Variants in SHANK2 observed in about 807,000 individuals in gnomAD.
SHANK2 encodes the protein SH3 and multiple ankyrin repeat domains protein 2.
Under a neutral mutation model 133.7 loss-of-function variants are expected in SHANK2, and 43 were observed. The observed-to-expected ratio is 0.32, with a 90% CI of 0.25 to 0.41. The LOEUF (loss-of-function observed/expected upper bound fraction) is 0.41, where lower values mean the gene tolerates loss of function less well. SHANK2 is among the 10% of genes least tolerant of loss of function. The pLI, the probability that SHANK2 is intolerant of heterozygous loss-of-function variation, is 1.00. For missense variants in SHANK2, 1,994 were observed against 2,235.8 expected, an observed-to-expected ratio of 0.89 and a Z score of 2.18; for synonymous variants, 1,017 against 952.8, an observed-to-expected ratio of 1.07 and a Z score of -1.24.
chr11:70,533,411 A>G (rs1223690506), intron 17 of SHANK2, among the ~76,000 whole-genome samples: 1 of 152,000 alleles, frequency 6.6e-6, no homozygotes, highest in Non-Finnish European at 1.5e-5. Context: ...AAGACAATCG[A>G]TTCAAGGTCT....
At chr11:70,677,792 C>G (rs1409491093) in intron 15 of SHANK2, among the ~76,000 whole-genome samples, 1 of 152,228 alleles carries the variant, frequency 6.6e-6, no homozygotes, top group Non-Finnish European at 1.5e-5. Flanking sequence ...CTGCACTCGA[C>G]CACCAAAGCC....
intron 2 of SHANK2, among the ~76,000 whole-genome samples, chr11:71,154,790 C>T (rs60520883): frequency 1.0e-5 from 1 of 95,642 alleles, no homozygotes; most frequent in African/African-American, 4.4e-5. Flanking sequence ...GACCTACCCC[C>T]GCCCATGCTC....
chr11:70,848,376 C>G (rs1555064285), intron 11 of SHANK2, among the ~76,000 whole-genome samples: 1 of 152,112 alleles, frequency 6.6e-6, no homozygotes, highest in East Asian at 1.9e-4. Context: ...CGGGGGTGAT[C>G]AACCCACCCG....
At chr11:71,230,021 T>C (rs1301784706) in intron 1 of SHANK2, among the ~76,000 whole-genome samples, 1 of 152,102 alleles carries the variant, frequency 6.6e-6, no homozygotes, top group Admixed American at 6.6e-5. Flanking sequence ...TTTTTGTAGA[T>C]ATGGACAAGA....
At chr11:70,617,454 G>T (rs782560534) in intron 17 of SHANK2, among the ~76,000 whole-genome samples, 8 of 151,448 alleles carry the variant, frequency 5.3e-5, no homozygotes, top group Non-Finnish European at 1.2e-4. Flanking sequence ...AGAAAGAAAC[G>T]CGAGGAACGG....
chr11:71,070,082 G>C (rs1951123809), intron 9 of SHANK2, among the ~76,000 whole-genome samples: 1 of 152,244 alleles, frequency 6.6e-6, no homozygotes, highest in Non-Finnish European at 1.5e-5. Context: ...AGTGCCTGCA[G>C]GACAAAGGTA....
intron 17 of SHANK2, among the ~76,000 whole-genome samples, chr11:70,586,960 G>A (rs765802327): frequency 3.0e-4 from 45 of 152,002 alleles, no homozygotes; most frequent in Non-Finnish European, 4.0e-4. Context: ...GACCTCAAAC[G>A]TCACTCCGAA....
At chr11:71,204,844 A>G (rs1387061544) in intron 2 of SHANK2, among the ~76,000 whole-genome samples, 1 of 152,128 alleles carries the variant, frequency 6.6e-6, no homozygotes, top group Non-Finnish European at 1.5e-5. Context: ...CACCTTCCCA[A>G]TGGCCCATCC....
At position 70,481,680 on chromosome 11, in the gene SHANK2, G is replaced by A. The variant is rs575382808; in HGVS notation, c.4979+3634C>T. Among the ~76,000 whole-genome samples, 23 of 152,270 alleles carry A rather than the reference G, an allele frequency of 1.5e-4. No homozygotes were observed. The South Asian group carries it at 3.5e-3, about 23-fold the overall frequency. Reference sequence around the variant, plus strand: ...TAGAAAAACTCATTTCTTTTTCCTCGGTAGGAATTCCCTTCATCCAATTTC... The same window carrying A: ...TAGAAAAACTCATTTCTTTTTCCTCAGTAGGAATTCCCTTCATCCAATTTC... On this transcript the variant is annotated intron_variant, in intron 25 of 25. Coordinates refer to ENST00000601538, the MANE Select transcript of SHANK2 (RefSeq NM_012309.5).
chr11:71,234,362 A>AAAATAAAT (rs60796828), intron 1 of SHANK2, among the ~76,000 whole-genome samples: 13,124 of 140,982 alleles, frequency 0.093, 835 homozygotes, highest in African/African-American at 0.17. Context: ...ACTCATCTCA[A>AAAATAAAT]AAATAAATAA....
chr11:70,727,799 C>G (rs1946206599), intron 14 of SHANK2, among the ~76,000 whole-genome samples: 1 of 152,206 alleles, frequency 6.6e-6, no homozygotes, highest in Non-Finnish European at 1.5e-5. Context: ...GTGTGGTCAG[C>G]AACACAGCCT....
At chr11:70,512,796 T>C (rs2059220201) in intron 17 of SHANK2, among the ~76,000 whole-genome samples, 1 of 152,250 alleles carries the variant, frequency 6.6e-6, no homozygotes, top group Admixed American at 6.5e-5. Context: ...GTTTATTTGG[T>C]TCAAAAACCT....
At chr11:70,495,787 A>G in intron 21 of SHANK2, 1 of 197,304 alleles carries the variant, frequency 5.1e-6, no homozygotes, top group Non-Finnish European at 1.1e-5. Context: ...GAGCCCAACA[A>G]AACATCCCAC....
intron 14 of SHANK2, among the ~76,000 whole-genome samples, chr11:70,719,072 C>T (rs908316078): frequency 5.3e-5 from 8 of 152,202 alleles, no homozygotes; most frequent in African/African-American, 1.9e-4. Flanking sequence ...CCTGTTCTTA[C>T]GTTCACTGCC....
At chr11:70,764,389 A>G (rs577854010) in intron 14 of SHANK2, among the ~76,000 whole-genome samples, 2 of 150,838 alleles carry the variant, frequency 1.3e-5, no homozygotes, top group Admixed American at 1.3e-4. Context: ...CCACACATCC[A>G]TCCATCCATC....
chr11:70,490,449 G>A (rs566042272), intron 22 of SHANK2, 62 bp from the exon 23 acceptor site: 41 of 1,399,006 alleles, frequency 2.9e-5, no homozygotes, highest in Non-Finnish European at 4.0e-5. Flanking sequence ...ACGGTCACAG[G>A]GCCCAGAGAC....
chr11:70,914,409 C>A (rs1411970602), intron 10 of SHANK2, among the ~76,000 whole-genome samples: 1 of 152,088 alleles, frequency 6.6e-6, no homozygotes, highest in African/African-American at 2.4e-5. Flanking sequence ...CACCTCCCAC[C>A]TGTCCATGCT....
At chr11:71,244,305 A>T (rs76201154) in intron 1 of SHANK2, among the ~76,000 whole-genome samples, 2,692 of 152,342 alleles carry the variant, frequency 0.018, 95 homozygotes, top group African/African-American at 0.062. Flanking sequence ...GGCTGTCTGA[A>T]GCCCCTGACT....
intron 12 of SHANK2, among the ~76,000 whole-genome samples, chr11:70,808,410 C>T (rs1948208698): frequency 6.6e-6 from 1 of 151,846 alleles, no homozygotes; most frequent in African/African-American, 2.4e-5. Flanking sequence ...CCATGTTCAC[C>T]AGGATGGTCT....
Sources: gnomAD v4.1 joint callset for allele counts (sites outside exome capture counted in the v4.1 genomes callset) on GRCh38, gnomAD v4.1.1 for gene constraint, MANE v1.5 for transcripts, NCBI Gene and HGNC (gene_info 2026-07-23, HGNC 2026-07-21) for gene names.